ENPP6: variants seen among roughly 807,000 people sequenced by gnomAD.
ENPP6 encodes glycerophosphocholine cholinephosphodiesterase ENPP6.
In ENPP6, 32 loss-of-function variants were observed where a neutral mutation model predicts 42.0. The observed-to-expected ratio is 0.76, with a 90% CI of 0.58 to 1.02. The LOEUF is 1.02. Among genes scored for constraint, ENPP6 ranks in the 50% least tolerant of loss-of-function variants. The pLI is 0.00. For synonymous variants in ENPP6, 213 were observed against 216.0 expected (o/e 0.99, Z 0.12); for missense variants, 552 against 566.8 (o/e 0.97, Z 0.27).
chr4:184,097,436 A>G (rs1735931540), intron 6 of ENPP6, 68 bp from the exon 7 acceptor site: 2 of 1,590,084 alleles, frequency 1.3e-6, no homozygotes, highest in Admixed American at 3.4e-5. Flanking sequence ...CATCTGCTCC[A>G]AGCCGCCACT....
intron 2 of ENPP6, among the ~76,000 whole-genome samples, chr4:184,134,658 AAC>A (rs1217503375): frequency 2.1e-5 from 3 of 141,512 alleles, no homozygotes; most frequent in African/African-American, 7.9e-5. Flanking sequence ...CATCCACTTT[AAC>A]AGTTTTTTTT....
intron 2 of ENPP6, among the ~76,000 whole-genome samples, chr4:184,136,366 TC>T (rs2111364112): frequency 6.6e-6 from 1 of 152,200 alleles, no homozygotes; most frequent in Admixed American, 6.5e-5. Flanking sequence ...AGGATTTTAA[TC>T]CAAAAAAGGG....
chr4:184,112,835 G>A, intron 5 of ENPP6, 26 bp from the exon 6 acceptor site: 1 of 1,605,874 alleles, frequency 6.2e-7, no homozygotes, highest in Non-Finnish European at 8.5e-7. Flanking sequence ...AGAGTGATCA[G>A]TTTGACACTC....
intron 1 of ENPP6, among the ~76,000 whole-genome samples, chr4:184,209,583 A>G (rs374900197): frequency 4.6e-5 from 7 of 150,926 alleles, no homozygotes; most frequent in Non-Finnish European, 1.0e-4. Context: ...ATATGGGACT[A>G]TGTGAAAAGA....
intron 5 of ENPP6, among the ~76,000 whole-genome samples, chr4:184,114,504 A>C (rs543613716): frequency 2.2e-4 from 33 of 152,172 alleles, no homozygotes; most frequent in Non-Finnish European, 3.1e-4. Flanking sequence ...AGGAGGATGC[A>C]TTTGCAGAAG....
At chr4:184,202,856 C>G (rs1343504363) in intron 1 of ENPP6, among the ~76,000 whole-genome samples, 1 of 152,226 alleles carries the variant, frequency 6.6e-6, no homozygotes, top group African/African-American at 2.4e-5. Flanking sequence ...AATATGTACA[C>G]TCTTACTAAT....
intron 1 of ENPP6, among the ~76,000 whole-genome samples, chr4:184,180,840 A>G (rs1311169975): frequency 6.6e-6 from 1 of 152,270 alleles, no homozygotes; most frequent in African/African-American, 2.4e-5. Context: ...TCGATAAACT[A>G]GGTATTGATA....
intron 1 of ENPP6, among the ~76,000 whole-genome samples, chr4:184,161,540 G>A (rs2111084341): frequency 6.6e-6 from 1 of 152,302 alleles, no homozygotes; most frequent in South Asian, 2.1e-4. Flanking sequence ...TATCTACCCA[G>A]AGGAAAAGAG....
At chr4:184,146,392 T>C (rs1257536629) in intron 2 of ENPP6, among the ~76,000 whole-genome samples, 4 of 149,360 alleles carry the variant, frequency 2.7e-5, no homozygotes, top group Non-Finnish European at 5.9e-5. Flanking sequence ...ATTGCGCCAC[T>C]GCACTCCAGC....
chr4:184,196,647 G>A (rs1276081492), intron 1 of ENPP6, among the ~76,000 whole-genome samples: 1 of 152,216 alleles, frequency 6.6e-6, no homozygotes, highest in Non-Finnish European at 1.5e-5. Flanking sequence ...AGAAAGACAG[G>A]TGGAGGAAAG....
intron 2 of ENPP6, among the ~76,000 whole-genome samples, chr4:184,133,281 G>A (rs112744423): frequency 0.01 from 1,545 of 152,094 alleles, 22 homozygotes; most frequent in South Asian, 0.04. Flanking sequence ...TTATAAACAT[G>A]TTTTTCCAAT....
chr4:184,175,077 T>G (rs931159144), intron 1 of ENPP6, among the ~76,000 whole-genome samples: 9 of 152,174 alleles, frequency 5.9e-5, no homozygotes, highest in Admixed American at 3.3e-4. Context: ...TCCCCGTCTC[T>G]CCTCTTGGCT....
intron 1 of ENPP6, among the ~76,000 whole-genome samples, chr4:184,179,486 C>T (rs902155066): frequency 6.6e-6 from 1 of 152,162 alleles, no homozygotes; most frequent in Non-Finnish European, 1.5e-5. Flanking sequence ...ATATTCAGGA[C>T]TTGAACTCAG....
rs1381407491 is a variant in ENPP6 at position 184,208,925 on chromosome 4, A to G, written c.241+8654T>C. Among the ~76,000 whole-genome samples, 3 of 143,406 alleles carry G rather than the reference A, an allele frequency of 2.1e-5. 1 individual carries two copies. Among genetic ancestry groups the G allele is most frequent in the Admixed American group, 7.1e-5 (1 of 14,010 alleles). The allele number at this position is 143,406 out of a possible 152,430, so 94.1% of individuals were successfully genotyped here. Reference sequence around the variant, plus strand: ...GACTGCCTCCTCAAGTGGGTCCCTGACCCCTGACCCCCGAGCAGCCTAACT... The same window carrying G: ...GACTGCCTCCTCAAGTGGGTCCCTGGCCCCTGACCCCCGAGCAGCCTAACT... On this transcript the variant is annotated intron_variant, in intron 1 of 7. Coordinates refer to ENST00000296741, the MANE Select transcript of ENPP6 (RefSeq NM_153343.4).
chr4:184,149,323 AAG>A (rs1427969231), intron 2 of ENPP6, among the ~76,000 whole-genome samples: 1 of 152,230 alleles, frequency 6.6e-6, no homozygotes, highest in Non-Finnish European at 1.5e-5. Flanking sequence ...AGGAAAGAGA[AAG>A]AGGCTGTACC....
chr4:184,122,839 T>C (rs1736442103), intron 3 of ENPP6, among the ~76,000 whole-genome samples: 1 of 152,220 alleles, frequency 6.6e-6, no homozygotes, highest in Non-Finnish European at 1.5e-5. Flanking sequence ...ATTCTGGATA[T>C]GTTGGAAACA....
chr4:184,114,627 A>G (rs749312638), intron 5 of ENPP6, among the ~76,000 whole-genome samples: 106 of 152,140 alleles, frequency 7.0e-4, no homozygotes, highest in Admixed American at 2.0e-3. Context: ...ATACTCTACC[A>G]ACTGCTTTGG....
At chr4:184,201,140 C>T (rs1732889252) in intron 1 of ENPP6, among the ~76,000 whole-genome samples, 2 of 152,136 alleles carry the variant, frequency 1.3e-5, no homozygotes, top group South Asian at 4.1e-4. Flanking sequence ...CAGCTCTGCC[C>T]CAGGTCTCTG....
chr4:184,091,353 T>C lies in ENPP6; in HGVS notation c.1147A>G (p.Ile383Val), dbSNP rs947790536. 4.3e-6 allele frequency: 7 copies of C among 1,611,176 alleles called. No homozygotes were observed. Among genetic ancestry groups the C allele is most frequent in the Non-Finnish European group, 5.9e-6 (7 of 1,179,124 alleles). Residue 383 changes from isoleucine to valine, a missense_variant, in exon 8 of 8, where the codon ATC becomes GTC. Around this residue, in one of 2 missense-constraint regions of ENPP6, gnomAD observed 545 missense variants for 546.3 expected, o/e 1.00. Transcript: ENST00000296741. ...ACATTGTAGACGTCCACCGACCTGA[T>C]AGGAGCAGCTCTGAAGTTGGATTTG... ...DFKSNFRAAP[I>V]RSVDVYNVMC... is the part of the protein sequence containing the mutation.
Sources: gnomAD v4.1 joint callset for allele counts (sites outside exome capture counted in the v4.1 genomes callset) on GRCh38, gnomAD v4.1.1 for gene constraint, gnomAD v4.1.1 regional missense constraint, MANE v1.5 for transcripts, NCBI Gene and HGNC (gene_info 2026-07-23, HGNC 2026-07-21) for gene names.